MGAM2: variants seen among roughly 807,000 people sequenced by gnomAD.
MGAM2 encodes the protein probable maltase-glucoamylase 2.
Under a neutral mutation model 96.1 loss-of-function variants are expected in MGAM2, and 98 were observed. The ratio of observed to expected loss-of-function variants is 1.02; its 90% CI spans 0.87 to 1.21. The LOEUF (loss-of-function observed/expected upper bound fraction) is 1.21. Among genes scored for constraint, MGAM2 ranks in the 50% most tolerant of loss-of-function variants. The probability of loss-of-function intolerance (pLI) is 0.00; values close to 1 mark genes in which losing one functional copy is unlikely to be tolerated. For synonymous variants in MGAM2, 749 were observed against 414.8 expected (o/e 1.81, Z -9.79); for missense variants, 2,055 against 1,182.4 (o/e 1.74, Z -10.82).
At chr7:142,162,813 G>A (rs571067103) in intron 23 of MGAM2, among the ~76,000 whole-genome samples, 2 of 151,592 alleles carry the variant, frequency 1.3e-5, no homozygotes, top group South Asian at 4.2e-4. Context: ...TTTCTCCTAT[G>A]GTAACATCTT....
At chr7:142,163,321 G>T (rs551899580) in intron 23 of MGAM2, among the ~76,000 whole-genome samples, 1 of 152,260 alleles carries the variant, frequency 6.6e-6, no homozygotes, top group South Asian at 2.1e-4. Flanking sequence ...TCACTGTGTT[G>T]CCCAGGCTGG....
intron 7 of MGAM2, 86 bp downstream of exon 7, chr7:142,134,238 T>C (rs1794990475): frequency 1.6e-6 from 1 of 615,040 alleles, no homozygotes; most frequent in Non-Finnish European, 3.0e-6. Flanking sequence ...AATACATCTA[T>C]TTTACTTTGC....
intron 32 of MGAM2, among the ~76,000 whole-genome samples, chr7:142,177,756 T>C (rs952179146): frequency 6.6e-6 from 1 of 152,252 alleles, no homozygotes; most frequent in Non-Finnish European, 1.5e-5. Flanking sequence ...ATATTTTCTT[T>C]ATCCAATCCA....
chr7:142,205,666 A>G (rs912038301), intron 45 of MGAM2, among the ~76,000 whole-genome samples: 2 of 152,106 alleles, frequency 1.3e-5, no homozygotes, highest in African/African-American at 2.4e-5. Context: ...AAGTGTCCTT[A>G]TTATTGAATC....
At chr7:142,171,131 G>T (rs543026586) in intron 27 of MGAM2, 141 bp from the exon 28 acceptor site, 1 of 687,478 alleles carries the variant, frequency 1.5e-6, no homozygotes, top group African/African-American at 1.8e-5. Context: ...GTTATGACCT[G>T]GGTCATGTCA....
At chr7:142,151,204 G>T (rs1795570567) in intron 15 of MGAM2, among the ~76,000 whole-genome samples, 1 of 152,118 alleles carries the variant, frequency 6.6e-6, no homozygotes, top group African/African-American at 2.4e-5. Context: ...TTGGATAAAT[G>T]CCTGGCCTGA....
At chr7:142,217,742 T>C (rs1372146258) in intron 46 of MGAM2, among the ~76,000 whole-genome samples, 2 of 152,184 alleles carry the variant, frequency 1.3e-5, no homozygotes, top group Non-Finnish European at 2.9e-5. Context: ...ATTTATTGTA[T>C]ATTTCAAAAT....
At chr7:142,186,379 A>G (rs571549547) in intron 35 of MGAM2, among the ~76,000 whole-genome samples, 1 of 152,220 alleles carries the variant, frequency 6.6e-6, no homozygotes, top group African/African-American at 2.4e-5. Context: ...GCAAAAGAGA[A>G]AGGGAGAAAT....
At chr7:142,155,635 G>C (rs1267789640) in intron 17 of MGAM2, among the ~76,000 whole-genome samples, 1 of 152,160 alleles carries the variant, frequency 6.6e-6, no homozygotes, top group African/African-American at 2.4e-5. Flanking sequence ...GGCCACTTGT[G>C]ATCTAGAGAG....
chr7:142,135,792 CA>C, intron 7 of MGAM2, among the ~76,000 whole-genome samples: 1 of 151,588 alleles, frequency 6.6e-6, no homozygotes, highest in African/African-American at 2.4e-5. Flanking sequence ...ACAGCTTCGT[CA>C]CAGATTTCAA....
chr7:142,141,648 C>T (rs186284446), intron 12 of MGAM2, among the ~76,000 whole-genome samples: 5 of 151,986 alleles, frequency 3.3e-5, no homozygotes, highest in East Asian at 1.9e-4. Flanking sequence ...TACAGGCACA[C>T]GCCACCATGC....
chr7:142,212,018 G>T, intron 46 of MGAM2, among the ~76,000 whole-genome samples: 1 of 152,224 alleles, frequency 6.6e-6, no homozygotes, highest in East Asian at 1.9e-4. Flanking sequence ...CAAGCCAGAA[G>T]AGAATGGGGG....
chr7:142,210,324 G>T (rs1436571246), intron 46 of MGAM2, among the ~76,000 whole-genome samples: 2 of 151,494 alleles, frequency 1.3e-5, no homozygotes, highest in Non-Finnish European at 2.9e-5. Context: ...TACCCTAGTG[G>T]TGCCTGGAAC....
intron 32 of MGAM2, among the ~76,000 whole-genome samples, chr7:142,179,976 A>G (rs187287013): frequency 6.6e-6 from 1 of 152,118 alleles, no homozygotes; most frequent in East Asian, 1.9e-4. Flanking sequence ...TTATGAATCC[A>G]TTTGGTTAAG....
Position 142,131,761 on chromosome 7 carries a change from T to A in MGAM2, c.420+134T>A, listed in dbSNP as rs191293014. On this transcript the variant is annotated intron_variant, in intron 5 of 47. Transcript: ENST00000477922. ...CTGGATGGCATGGGCAGGCTAATTTTTATTTGATGGGGCACATGTAATTGG... is the reference window on the plus strand; with the variant it reads ...CTGGATGGCATGGGCAGGCTAATTTATATTTGATGGGGCACATGTAATTGG... 9.1e-4 allele frequency: 559 copies of A among 616,738 alleles called. 8 individuals are homozygous for A. In the East Asian group the frequency reaches 0.014, roughly 16 times the overall value. 38.2% of individuals were successfully genotyped at this position (616,738 alleles called of 1,614,324 possible).
intron 45 of MGAM2, among the ~76,000 whole-genome samples, chr7:142,200,395 A>G (rs1362355147): frequency 2.0e-5 from 3 of 152,206 alleles, no homozygotes; most frequent in Admixed American, 2.0e-4. Context: ...GAGGTTAGAA[A>G]ATTTCTTGGT....
In MGAM2 at chr7:142,114,204, AAG is replaced by A. The variant is rs1299727461; in HGVS notation, c.-1+2399_-1+2400del. Reference sequence around the variant, plus strand: ...AAAGAAAGAAAGAAAGAAAGAAAGAAAGAAAGAAAGAGAGAAAGAAAGAAAGA... The same window carrying A: ...AAAGAAAGAAAGAAAGAAAGAAAGAAAAAGAAAGAGAGAAAGAAAGAAAGA... On this transcript the variant is annotated intron_variant, in intron 1 of 47. Coordinates refer to ENST00000477922, the MANE Select transcript of MGAM2 (RefSeq NM_001293626.2). Among the ~76,000 whole-genome samples the A allele has an allele frequency of 1.4e-5, 2 of 140,330 alleles. 1 individual carries two copies. The highest frequency in any genetic ancestry group is 4.0e-4 in the East Asian group (2 of 5,034). 92.1% of individuals were successfully genotyped at this position (140,330 alleles called of 152,430 possible).
chr7:142,128,537 C>T (rs890195935), intron 3 of MGAM2, among the ~76,000 whole-genome samples: 1 of 152,156 alleles, frequency 6.6e-6, no homozygotes, highest in Non-Finnish European at 1.5e-5. Context: ...GTTCCATGGG[C>T]CAGGCCCAGG....
In MGAM2 at chr7:142,196,699, G is replaced by A; in HGVS notation, c.4516-1G>A. 3.8e-6 allele frequency: 3 copies of A among 784,912 alleles called. No homozygotes were observed. Among genetic ancestry groups the A allele is most frequent in the Non-Finnish European group, 7.1e-6 (3 of 422,772 alleles). The allele number at this position is 784,912 out of a possible 1,614,324, so 48.6% of individuals were successfully genotyped here. A position where few individuals can be genotyped will look rare whatever the true frequency, so the allele number is the denominator to read the frequency against. On this transcript the variant is annotated splice_acceptor_variant, in intron 39 of 47. Transcript: ENST00000477922. LOFTEE classifies it high-confidence loss of function. Reference sequence around the variant, plus strand: ...CATGCTCTCATTATGCATCTTCTCAGACAGGAGCAGATATCTGTGGGTTCT... The same window carrying A: ...CATGCTCTCATTATGCATCTTCTCAAACAGGAGCAGATATCTGTGGGTTCT...
Sources: allele counts gnomAD v4.1 joint callset (sites outside exome capture counted in the v4.1 genomes callset), GRCh38; gene constraint gnomAD v4.1.1; transcripts MANE v1.5; gene names NCBI Gene and HGNC (gene_info 2026-07-23, HGNC 2026-07-21).